The following SESTD1 variants were observed in gnomAD, a reference collection of about 807,000 sequenced individuals.
The protein encoded by SESTD1 is SEC14 and spectrin domain containing 1.
SESTD1 carries 43 observed loss-of-function variants against 101.7 expected under a neutral mutation model. The observed-to-expected ratio is 0.42, with a 90% CI of 0.33 to 0.55. The LOEUF (loss-of-function observed/expected upper bound fraction) is 0.55. SESTD1 is among the 20% of genes least tolerant of loss of function. The probability of loss-of-function intolerance (pLI) is 0.07; values close to 1 mark genes in which losing one functional copy is unlikely to be tolerated. For synonymous variants in SESTD1, 283 were observed against 286.8 expected, an observed-to-expected ratio of 0.99 and a Z score of 0.13; for missense variants, 647 against 815.1, an observed-to-expected ratio of 0.79 and a Z score of 2.51.
chr2:179,110,132 T>G, intron 17 of SESTD1, 104 bp from the exon 18 acceptor site: 1 of 1,113,572 alleles, frequency 9.0e-7, no homozygotes, highest in South Asian at 1.5e-5. Context: ...CTACATGAGA[T>G]AGCCTATGTG....
intron 2 of SESTD1, among the ~76,000 whole-genome samples, chr2:179,188,028 G>A (rs560743222): frequency 4.6e-5 from 7 of 152,050 alleles, no homozygotes; most frequent in African/African-American, 1.7e-4. Flanking sequence ...ACAGATCATC[G>A]GGGAGAAAAC....
At chr2:179,230,804 A>C (rs1255657500) in intron 1 of SESTD1, among the ~76,000 whole-genome samples, 1 of 152,124 alleles carries the variant, frequency 6.6e-6, no homozygotes, top group Non-Finnish European at 1.5e-5. Context: ...GAAACAAAAA[A>C]AATCTGATTC....
rs2044450580 is a variant in SESTD1 at position 179,109,066 on chromosome 2, A to G, written c.*833T>C. ...ATATTTTTCAAGTTGAAAAAGAGAA[A>G]AATTAGAAATAGTATTCCATTATTA... is the stretch of plus-strand genomic sequence containing the variant. On this transcript the variant is annotated 3_prime_UTR_variant, in exon 18 of 18. Coordinates refer to ENST00000428443, the MANE Select transcript of SESTD1 (RefSeq NM_178123.5). 6.6e-6 allele frequency: 1 copy of G among 152,560 alleles called. No individual in the cohort carries two copies. The highest frequency in any genetic ancestry group is 2.4e-5 in the African/African-American group (1 of 41,458). 9.5% of individuals were successfully genotyped at this position (152,560 alleles called of 1,614,324 possible).
At chr2:179,187,791 G>GA (rs886115304) in intron 2 of SESTD1, among the ~76,000 whole-genome samples, 1 of 152,084 alleles carries the variant, frequency 6.6e-6, no homozygotes, top group African/African-American at 2.4e-5. Context: ...TCTCATATCA[G>GA]AAAAAACAGA....
At chr2:179,170,222 A>C (rs2045907040) in intron 5 of SESTD1, among the ~76,000 whole-genome samples, 1 of 151,928 alleles carries the variant, frequency 6.6e-6, no homozygotes, top group African/African-American at 2.4e-5. Context: ...AAAAAAAAAA[A>C]AACTGAAAAA....
intron 1 of SESTD1, among the ~76,000 whole-genome samples, chr2:179,227,837 G>T (rs944055100): frequency 2.0e-5 from 3 of 152,144 alleles, no homozygotes; most frequent in Non-Finnish European, 4.4e-5. Context: ...GCTGAACTGG[G>T]ATCAAATGTG....
chr2:179,199,871 G>A (rs1235773178), intron 1 of SESTD1, among the ~76,000 whole-genome samples: 4 of 152,218 alleles, frequency 2.6e-5, no homozygotes, highest in African/African-American at 9.7e-5. Context: ...GCACAAGACA[G>A]AGATGCCCTC....
chr2:179,201,776 G>T (rs1181170628), intron 1 of SESTD1, among the ~76,000 whole-genome samples: 1 of 129,182 alleles, frequency 7.7e-6, no homozygotes, highest in Non-Finnish European at 1.6e-5. Context: ...ACTGTTGTGG[G>T]GTGGGGGTAG....
chr2:179,212,672 GAC>G (rs1345919128), intron 1 of SESTD1, among the ~76,000 whole-genome samples: 1 of 135,546 alleles, frequency 7.4e-6, no homozygotes, highest in Non-Finnish European at 1.6e-5. Context: ...TCTGAGAATG[GAC>G]AGATTGCCTC....
At chr2:179,201,892 G>A (rs1190121749) in intron 1 of SESTD1, among the ~76,000 whole-genome samples, 1 of 120,176 alleles carries the variant, frequency 8.3e-6, no homozygotes, top group African/African-American at 3.5e-5. Context: ...CCTGCACATT[G>A]TGCACATGTA....
chr2:179,124,707 TCCTGTGATC>T, intron 10 of SESTD1, 149 bp from the exon 11 acceptor site: 1 of 655,366 alleles, frequency 1.5e-6, no homozygotes, highest in Non-Finnish European at 2.6e-6. Flanking sequence ...AAGTTCCTAA[TCCTGTGATC>T]CCTGGAACTC....
intron 1 of SESTD1, among the ~76,000 whole-genome samples, chr2:179,196,464 G>A (rs1005171062): frequency 6.6e-6 from 1 of 152,252 alleles, no homozygotes; most frequent in Non-Finnish European, 1.5e-5. Context: ...CACAGCTAAA[G>A]GAGGCCTGCT....
rs1014004792 is a variant in SESTD1 at position 179,264,751 on chromosome 2, C to G, written c.-278G>C. 6.6e-6 allele frequency: 1 copy of G among 151,502 alleles called. No homozygotes were observed. The highest frequency in any genetic ancestry group is 2.4e-5 in the African/African-American group (1 of 41,220). 9.4% of individuals were successfully genotyped at this position (151,502 alleles called of 1,614,324 possible). ...TGGCCCGGCGACCTCTCGGCACCCG[C>G]GGCCCGAGCCGCGTCCGCGCGACCC... On this transcript the variant is annotated 5_prime_UTR_variant, in exon 1 of 18. Coordinates refer to ENST00000428443, the MANE Select transcript of SESTD1 (RefSeq NM_178123.5).
At chr2:179,255,396 A>C (rs752447597) in intron 1 of SESTD1, among the ~76,000 whole-genome samples, 4 of 152,252 alleles carry the variant, frequency 2.6e-5, no homozygotes, top group Non-Finnish European at 4.4e-5. Context: ...TACGAATGAT[A>C]AGAAAGTGAA....
At chr2:179,131,442 C>T (rs4585064) in intron 10 of SESTD1, among the ~76,000 whole-genome samples, 68,187 of 152,044 alleles carry the variant, frequency 0.45, 18,114 homozygotes, top group African/African-American at 0.75. Context: ...AATGTTCCGA[C>T]GGTACTTAAT....
intron 2 of SESTD1, among the ~76,000 whole-genome samples, chr2:179,185,225 T>C (rs1347955431): frequency 2.0e-5 from 3 of 151,428 alleles, no homozygotes; most frequent in Non-Finnish European, 2.9e-5. Flanking sequence ...TTGTACAAAA[T>C]AGACAAAGCT....
chr2:179,257,213 C>T (rs2047410592), intron 1 of SESTD1, among the ~76,000 whole-genome samples: 1 of 151,142 alleles, frequency 6.6e-6, no homozygotes, highest in Non-Finnish European at 1.5e-5. Context: ...CAGGGGGCTG[C>T]CCTTATGAAA....
chr2:179,223,234 C>A (rs905319678), intron 1 of SESTD1, among the ~76,000 whole-genome samples: 1 of 151,952 alleles, frequency 6.6e-6, no homozygotes, highest in African/African-American at 2.4e-5. Flanking sequence ...ATAGGCAAAT[C>A]CAAACAGAAA....
At chr2:179,194,052 C>G (rs1394442555) in intron 1 of SESTD1, among the ~76,000 whole-genome samples, 2 of 152,212 alleles carry the variant, frequency 1.3e-5, no homozygotes, top group African/African-American at 4.8e-5. Flanking sequence ...CCCACTGGCT[C>G]TTTTGACATT....
Sources: allele counts gnomAD v4.1 joint callset (sites outside exome capture counted in the v4.1 genomes callset), GRCh38; gene constraint gnomAD v4.1.1; transcripts MANE v1.5; gene names NCBI Gene and HGNC (gene_info 2026-07-23, HGNC 2026-07-21).